SYCP2L: variants seen among roughly 807,000 people sequenced by gnomAD.
SYCP2L encodes synaptonemal complex protein 2-like.
Under a neutral mutation model 125.8 loss-of-function variants are expected in SYCP2L, and 98 were observed. The observed-to-expected ratio is 0.78, with a 90% confidence interval of 0.66 to 0.92. The LOEUF (loss-of-function observed/expected upper bound fraction) is 0.92. Among genes scored for constraint, SYCP2L ranks in the 40% least tolerant of loss-of-function variants. The pLI is 0.00. For missense variants in SYCP2L, 842 were observed against 936.4 expected, an observed-to-expected ratio of 0.90 and a Z score of 1.32; for synonymous variants, 317 against 325.4, an observed-to-expected ratio of 0.97 and a Z score of 0.28.
intron 14 of SYCP2L, among the ~76,000 whole-genome samples, chr6:10,915,113 C>T (rs9461308): frequency 0.016 from 2,481 of 152,178 alleles, 78 homozygotes; most frequent in African/African-American, 0.056. Flanking sequence ...TGATTTGATT[C>T]TCAGCTTGGT....
chr6:10,957,173 G>T (rs1781514380), intron 25 of SYCP2L, among the ~76,000 whole-genome samples: 1 of 152,140 alleles, frequency 6.6e-6, no homozygotes, highest in African/African-American at 2.4e-5. Context: ...TGAAAAAGAG[G>T]AAAGAAGGAA....
chr6:10,895,492 G>A (rs968481352), intron 4 of SYCP2L, among the ~76,000 whole-genome samples: 1 of 152,096 alleles, frequency 6.6e-6, no homozygotes, highest in African/African-American at 2.4e-5. Flanking sequence ...GAGAGGAAGG[G>A]GAAGGGGTGT....
intron 23 of SYCP2L, 57 bp downstream of exon 23, chr6:10,942,803 T>C: frequency 2.7e-6 from 4 of 1,493,672 alleles, no homozygotes; most frequent in Non-Finnish European, 3.6e-6. Context: ...ATTAATCTGA[T>C]TTTGGCAGAC....
intron 23 of SYCP2L, among the ~76,000 whole-genome samples, chr6:10,947,505 G>A (rs1781335873): frequency 6.6e-6 from 1 of 151,908 alleles, no homozygotes; most frequent in Non-Finnish European, 1.5e-5. Flanking sequence ...ATGTATTTTT[G>A]GGTAATTCCT....
chr6:10,956,771 T>C (rs1409694342), intron 25 of SYCP2L, among the ~76,000 whole-genome samples: 1 of 150,152 alleles, frequency 6.7e-6, no homozygotes, highest in Non-Finnish European at 1.5e-5. Flanking sequence ...CCCGTGGTAA[T>C]CATTTCACAG....
chr6:10,918,427 T>A (rs2113333553), intron 14 of SYCP2L, among the ~76,000 whole-genome samples: 1 of 152,316 alleles, frequency 6.6e-6, no homozygotes, highest in Non-Finnish European at 1.5e-5. Context: ...TTTGGTCGTT[T>A]AACATCATCC....
At position 10,891,610 on chromosome 6, in the gene SYCP2L, T is replaced by A. The variant is rs775612233; in HGVS notation, c.78+29T>A. 3 of 143,086 alleles carry A rather than the reference T, an allele frequency of 2.1e-5. 1 individual carries two copies. The Admixed American group carries it at 6.9e-4, about 33-fold the overall frequency. The allele number at this position is 143,086 out of a possible 1,614,324, so 8.9% of individuals were successfully genotyped here. On this transcript the variant is annotated intron_variant, in intron 2 of 29. Coordinates refer to ENST00000283141, the MANE Select transcript of SYCP2L (RefSeq NM_001040274.3). ...AAGATCAAGTTTCTTTTATAATCTC[T>A]CTCTGTGTGTGTGTGTGTGTGTGTG... is the stretch of plus-strand genomic sequence containing the variant.
intron 23 of SYCP2L, 85 bp from the exon 24 acceptor site, chr6:10,955,029 TGG>T (rs1781477176): frequency 9.2e-6 from 8 of 872,438 alleles, no homozygotes; most frequent in Non-Finnish European, 1.1e-5. Flanking sequence ...AAGTTTCAGA[TGG>T]TACTCTTCAC....
chr6:10,956,097 T>C (rs2113406384), intron 24 of SYCP2L, 39 bp from the exon 25 acceptor site: 1 of 1,515,326 alleles, frequency 6.6e-7, no homozygotes, highest in East Asian at 2.3e-5. Flanking sequence ...CTTTGAACAC[T>C]TTGTTAGTTT....
In SYCP2L at chr6:10,963,666, T is replaced by G. The variant is rs867524230; in HGVS notation, c.2415-116T>G. 189 of 982,738 alleles carry G rather than the reference T, an allele frequency of 1.9e-4. No individual in the cohort carries two copies. In the Middle Eastern group the frequency reaches 3.7e-3, roughly 19 times the overall value. The allele number at this position is 982,738 out of a possible 1,614,324, so 60.9% of individuals were successfully genotyped here. ...TATCCTGGGGTGTTGGTGTCTATAA[T>G]TAAGTAATATAATGGTCTGTGAAAT... On this transcript the variant is annotated intron_variant, in intron 28 of 29. Coordinates refer to ENST00000283141, the MANE Select transcript of SYCP2L (RefSeq NM_001040274.3).
intron 20 of SYCP2L, 89 bp downstream of exon 20, chr6:10,931,578 A>C (rs1780996916): frequency 7.6e-7 from 1 of 1,319,076 alleles, no homozygotes; most frequent in Admixed American, 1.8e-5. Context: ...TATAAAAATA[A>C]CAAAATATTG....
intron 23 of SYCP2L, among the ~76,000 whole-genome samples, chr6:10,948,551 T>A (rs942340346): frequency 6.6e-6 from 1 of 152,152 alleles, no homozygotes; most frequent in Non-Finnish European, 1.5e-5. Context: ...CATACTTGTG[T>A]TCCTGGGATA....
At chr6:10,926,643 A>G (rs898664355) in intron 16 of SYCP2L, among the ~76,000 whole-genome samples, 3 of 152,112 alleles carry the variant, frequency 2.0e-5, no homozygotes, top group Non-Finnish European at 4.4e-5. Flanking sequence ...CAAAGAAGAA[A>G]TGATGGGGTT....
intron 14 of SYCP2L, among the ~76,000 whole-genome samples, chr6:10,915,247 C>T (rs1420393897): frequency 6.6e-6 from 1 of 152,162 alleles, no homozygotes; most frequent in Non-Finnish European, 1.5e-5. Context: ...TCTAGGTATA[C>T]AATCATTATC....
chr6:10,957,789 C>T (rs1781524977), intron 25 of SYCP2L, among the ~76,000 whole-genome samples: 2 of 152,246 alleles, frequency 1.3e-5, no homozygotes, highest in African/African-American at 2.4e-5. Context: ...TGTGCTCCAG[C>T]CTAGGCAACA....
intron 23 of SYCP2L, among the ~76,000 whole-genome samples, chr6:10,945,718 C>T (rs944443690): frequency 2.2e-5 from 3 of 139,210 alleles, no homozygotes; most frequent in African/African-American, 8.2e-5. Context: ...TGCGGTGAGC[C>T]AAGATCGTGC....
chr6:10,963,702 T>G, intron 28 of SYCP2L, 80 bp from the exon 29 acceptor site: 2 of 1,389,824 alleles, frequency 1.4e-6, no homozygotes. Flanking sequence ...AACTCTGATA[T>G]GCAGATGTAT....
At chr6:10,942,419 C>T in intron 21 of SYCP2L, 40 bp from the exon 22 acceptor site, 6 of 1,258,224 alleles carry the variant, frequency 4.8e-6, no homozygotes, top group Non-Finnish European at 6.6e-6. Flanking sequence ...TGCTTTGTTA[C>T]TTGGCGTGTA....
intron 1 of SYCP2L, among the ~76,000 whole-genome samples, chr6:10,891,069 G>A (rs754243875): frequency 6.6e-6 from 1 of 152,152 alleles, no homozygotes; most frequent in Non-Finnish European, 1.5e-5. Context: ...GTACCATGCT[G>A]TTTTGTTCCT....
Sources: allele counts gnomAD v4.1 joint callset (sites outside exome capture counted in the v4.1 genomes callset), GRCh38; gene constraint gnomAD v4.1.1; transcripts MANE v1.5; gene names NCBI Gene and HGNC (gene_info 2026-07-23, HGNC 2026-07-21).